The following PARD3B variants were observed in gnomAD, a reference collection of about 807,000 sequenced individuals.
The protein encoded by PARD3B is partitioning defective 3 homolog B.
A neutral mutation model predicts 130.2 loss-of-function variants in PARD3B; 103 were observed. The observed-to-expected ratio is 0.79, with a 90% confidence interval of 0.67 to 0.93. The LOEUF (loss-of-function observed/expected upper bound fraction) is 0.93, where lower values mean the gene tolerates loss of function less well. Among genes scored for constraint, PARD3B ranks in the 40% least tolerant of loss-of-function variants. PARD3B has a pLI of 0.00. For missense variants in PARD3B, 1,609 were observed against 1,499.2 expected, an observed-to-expected ratio of 1.07 and a Z score of -1.21; for synonymous variants, 583 against 553.2, an observed-to-expected ratio of 1.05 and a Z score of -0.76.
intron 18 of PARD3B, among the ~76,000 whole-genome samples, chr2:205,392,636 G>A (rs849236): frequency 0.74 from 112,920 of 152,106 alleles, 45,597 homozygotes; most frequent in East Asian, 0.96. Context: ...TGAGTTTGTC[G>A]TTCGTTATTA....
chr2:205,242,342 T>A (rs149538618), intron 15 of PARD3B, among the ~76,000 whole-genome samples: 2 of 152,194 alleles, frequency 1.3e-5, no homozygotes, highest in African/African-American at 2.4e-5. Context: ...AGAAGATAAT[T>A]TGTTAAGCCT....
intron 11 of PARD3B, among the ~76,000 whole-genome samples, chr2:205,170,781 C>T (rs1479238365): frequency 7.0e-5 from 10 of 143,752 alleles, no homozygotes; most frequent in Admixed American, 1.4e-4. Context: ...TATCTCATTT[C>T]TTTTTTTTTT....
chr2:205,144,730 T>C (rs760839031), intron 10 of PARD3B, among the ~76,000 whole-genome samples: 64 of 152,186 alleles, frequency 4.2e-4, no homozygotes, highest in Admixed American at 2.0e-4. Context: ...AAGTGGTTGT[T>C]ACCCACTGAG....
intron 21 of PARD3B, among the ~76,000 whole-genome samples, chr2:205,519,352 A>ATCTT (rs2050934169): frequency 6.6e-6 from 1 of 151,858 alleles, no homozygotes; most frequent in African/African-American, 2.4e-5. Flanking sequence ...TTCTTTCCTG[A>ATCTT]TCTTTGTTTA....
intron 16 of PARD3B, among the ~76,000 whole-genome samples, chr2:205,270,902 G>T (rs1021494860): frequency 6.6e-5 from 10 of 152,050 alleles, no homozygotes; most frequent in African/African-American, 2.4e-4. Context: ...TCCAGAATTG[G>T]CTCATTGCCA....
chr2:205,284,092 A>G (rs563705214), intron 16 of PARD3B, among the ~76,000 whole-genome samples: 2 of 152,362 alleles, frequency 1.3e-5, no homozygotes, highest in East Asian at 3.9e-4. Flanking sequence ...TAACGTTTGA[A>G]AAGAGACAGG....
At position 204,658,791 on chromosome 2, in the gene PARD3B, G is replaced by T. The variant is rs543690214; in HGVS notation, c.121-27390G>T. ...AAATTTTACTCTAGATCCAACAAAA[G>T]TCCTAACTTTTATTTCCAGGGTACA... On this transcript the variant is annotated intron_variant, in intron 1 of 22. Coordinates refer to ENST00000406610, the MANE Select transcript of PARD3B (RefSeq NM_001302769.2). Among the ~76,000 whole-genome samples, 6 of 152,158 alleles carry T rather than the reference G, an allele frequency of 3.9e-5. No individual in the cohort carries two copies. In the South Asian group the frequency reaches 1.0e-3, roughly 26 times the overall value.
At chr2:205,316,220 A>AT (rs917545945) in intron 18 of PARD3B, among the ~76,000 whole-genome samples, 8 of 151,448 alleles carry the variant, frequency 5.3e-5, no homozygotes, top group African/African-American at 1.2e-4. Flanking sequence ...GGAGTTAATT[A>AT]TTTTTTTTTA....
rs1220532959 is a variant in PARD3B at position 205,021,885 on chromosome 2, C to T, written c.395-25696C>T. Among the ~76,000 whole-genome samples, 1 of 152,026 alleles carries T rather than the reference C, an allele frequency of 6.6e-6. No homozygotes were observed. Among genetic ancestry groups the T allele is most frequent in the Non-Finnish European group, 1.5e-5 (1 of 68,008 alleles). On this transcript the variant is annotated intron_variant, in intron 3 of 22. Coordinates refer to ENST00000406610, the MANE Select transcript of PARD3B (RefSeq NM_001302769.2). The surrounding 1 kb of genome is among the most constrained non-coding windows in gnomAD (Gnocchi z 4.5). ...CCCTCCATTGTAAGGGTACTAAAAT[C>T]TTCATATGTGGTCAAACACCTTTTA...
chr2:205,126,601 C>G (rs1034096941), intron 10 of PARD3B, among the ~76,000 whole-genome samples: 2 of 149,668 alleles, frequency 1.3e-5, no homozygotes, highest in Admixed American at 1.3e-4. Flanking sequence ...AAAAAATTAG[C>G]CGGGCGCGGT....
At position 204,853,112 on chromosome 2, in the gene PARD3B, TA is replaced by T. The variant is rs556483999; in HGVS notation, c.223-112039del. On this transcript the variant is annotated intron_variant, in intron 2 of 22. Coordinates refer to ENST00000406610, the MANE Select transcript of PARD3B (RefSeq NM_001302769.2). Reference sequence around the variant, plus strand: ...TTTAATATTCTATTTTCCTTATAACTATTTTTTTAATGATTATCACCATGGG... The same window carrying T: ...TTTAATATTCTATTTTCCTTATAACTTTTTTTTAATGATTATCACCATGGG... 2.9e-3 allele frequency among the ~76,000 whole-genome samples: 446 copies of T among 152,270 alleles called. 1 individual carries two copies. Among genetic ancestry groups the T allele is most frequent in the African/African-American group, 9.9e-3 (412 of 41,550 alleles).
intron 1 of PARD3B, among the ~76,000 whole-genome samples, chr2:204,635,688 G>C (rs995432110): frequency 3.9e-5 from 6 of 152,106 alleles, no homozygotes; most frequent in Non-Finnish European, 5.9e-5. Context: ...CACATCCTGG[G>C]ATATGTGGTT....
rs184742804 is a variant in PARD3B, at chr2:205,577,254, T to C, written c.3260+23851T>C. ...TCATGTCACCTGCAAATGAAGACAGTTTTTTTTTCTTTCCAATCTGTATAC... is the reference window on the plus strand; with the variant it reads ...TCATGTCACCTGCAAATGAAGACAGCTTTTTTTTCTTTCCAATCTGTATAC... On this transcript the variant is annotated intron_variant, in intron 22 of 22. Transcript: ENST00000406610. Among the ~76,000 whole-genome samples, 534 of 95,152 alleles carry C rather than the reference T, an allele frequency of 5.6e-3. 6 individuals are homozygous for C. The highest frequency in any genetic ancestry group is 0.024 in the Admixed American group (143 of 5,896). 62.4% of individuals were successfully genotyped at this position (95,152 alleles called of 152,430 possible).
intron 3 of PARD3B, among the ~76,000 whole-genome samples, chr2:205,032,155 A>C (rs759620311): frequency 1.3e-5 from 2 of 152,152 alleles, no homozygotes; most frequent in Non-Finnish European, 2.9e-5. Flanking sequence ...ATTTGATGCC[A>C]GGAGTTACAT....
intron 2 of PARD3B, among the ~76,000 whole-genome samples, chr2:204,798,587 T>C (rs760376444): frequency 1.2e-4 from 19 of 152,112 alleles, no homozygotes; most frequent in Non-Finnish European, 2.6e-4. Context: ...CCATCACTCC[T>C]GCCCTTAGCC....
chr2:204,547,482 T>A (rs1021547126), intron 1 of PARD3B, among the ~76,000 whole-genome samples: 2 of 152,238 alleles, frequency 1.3e-5, no homozygotes, highest in African/African-American at 4.8e-5. Flanking sequence ...TGTGTGTGTG[T>A]GCACGTGCAT....
intron 20 of PARD3B, among the ~76,000 whole-genome samples, chr2:205,465,103 A>T (rs1016330520): frequency 2.1e-4 from 32 of 152,358 alleles, no homozygotes; most frequent in African/African-American, 7.5e-4. Context: ...GTTTTATTAC[A>T]TTTTAATCTA....
Position 204,901,796 on chromosome 2 carries a change from T to A in PARD3B, c.223-63356T>A, listed in dbSNP as rs146577245. Among the ~76,000 whole-genome samples the A allele has an allele frequency of 6.6e-4, 101 of 152,216 alleles. 1 individual carries two copies. The highest frequency in any genetic ancestry group is 6.8e-3 in the Middle Eastern group (2 of 294). ...TGCTGATTATTCAGATCCCAAGGGC[T>A]CTTTAGTCAGCAGGTGATGAATCCT... is the stretch of plus-strand genomic sequence containing the variant. On this transcript the variant is annotated intron_variant, in intron 2 of 22. Coordinates refer to ENST00000406610, the MANE Select transcript of PARD3B (RefSeq NM_001302769.2).
intron 1 of PARD3B, among the ~76,000 whole-genome samples, chr2:204,660,379 C>G (rs561092109): frequency 6.6e-6 from 1 of 152,274 alleles, no homozygotes; most frequent in South Asian, 2.1e-4. Context: ...CCGACTCCAG[C>G]CCCAGCTATT....
Sources: gnomAD v4.1 joint callset for allele counts (sites outside exome capture counted in the v4.1 genomes callset) on GRCh38, gnomAD v4.1.1 for gene constraint, Gnocchi (gnomAD v3.1) non-coding constraint, MANE v1.5 for transcripts, NCBI Gene and HGNC (gene_info 2026-07-23, HGNC 2026-07-21) for gene names.